The following SYNPO2 variants were observed in gnomAD, a reference collection of about 807,000 sequenced individuals.
The protein encoded by SYNPO2 is synaptopodin 2.
Under a neutral mutation model 85.0 loss-of-function variants are expected in SYNPO2, and 56 were observed. The observed-to-expected ratio is 0.66, with a 90% CI of 0.53 to 0.82. SYNPO2 has a LOEUF of 0.82. Ranked by LOEUF, SYNPO2 falls within the 40% of genes least tolerant of loss-of-function variation. The pLI, the probability that SYNPO2 is intolerant of heterozygous loss-of-function variation, is 0.00. For missense variants in SYNPO2, 1,575 were observed against 1,534.2 expected (o/e 1.03, Z -0.44); for synonymous variants, 602 against 591.1 (o/e 1.02, Z -0.27).
In SYNPO2 at chr4:118,863,752, C is replaced by G. The variant is rs552242567; in HGVS notation, c.12+12812C>G. ...TCAGTCTTCCCAGTAGCTGGGACTA[C>G]AGGCGCAAGCCATCACACCCGGTTA... On this transcript the variant is annotated intron_variant, in intron 1 of 4. Transcript: ENST00000610556. Among the ~76,000 whole-genome samples, 8 of 152,258 alleles carry G rather than the reference C, an allele frequency of 5.3e-5. No homozygotes were observed. In the East Asian group the frequency reaches 1.5e-3, roughly 29 times the overall value.
intron 1 of SYNPO2, among the ~76,000 whole-genome samples, chr4:118,855,768 A>G (rs924580014): frequency 2.6e-5 from 4 of 152,196 alleles, no homozygotes; most frequent in African/African-American, 7.2e-5. Context: ...ATTATTGTCT[A>G]TATCATTTTT....
At chr4:118,884,883 T>G (rs1732171503), upstream of SYNPO2, among the ~76,000 whole-genome samples, 1 of 152,138 alleles carries the variant, frequency 6.6e-6, no homozygotes, top group Non-Finnish European at 1.5e-5. Context: ...TAGCATAGGA[T>G]TCAGACAACT....
chr4:118,907,932 T>C (rs550575812), intron 1 of SYNPO2, among the ~76,000 whole-genome samples: 92 of 152,144 alleles, frequency 6.0e-4, no homozygotes, highest in Admixed American at 9.2e-4. Context: ...ATCATGGACG[T>C]CTTTCCATGT....
intron 1 of SYNPO2, among the ~76,000 whole-genome samples, chr4:118,856,878 T>C (rs779050426): frequency 1.3e-5 from 2 of 152,178 alleles, no homozygotes; most frequent in Non-Finnish European, 2.9e-5. Context: ...GAACCTTCAA[T>C]TGAATAGAAA....
In SYNPO2 at chr4:119,030,452, T is replaced by C. The variant is rs1384306230; in HGVS notation, c.1677T>C (p.His559=). The C allele has an allele frequency of 3.1e-6, 5 of 1,614,028 alleles. No individual in the cohort carries two copies. Among genetic ancestry groups the C allele is most frequent in the Non-Finnish European group, 3.4e-6 (4 of 1,180,034 alleles). The part of the protein sequence containing the change: ...SVSKSYIEVS[H]GLGHVPQQNG... ...GCAAAAGCTACATCGAGGTGAGTCA[T>C]GGTCTTGGCCATGTTCCCCAACAGA... Residue 559 remains histidine, a synonymous_variant, in exon 4 of 5, where the codon CAT becomes CAC. Transcript: ENST00000307142.
At chr4:118,887,897 A>T (rs1732235821), upstream of SYNPO2, among the ~76,000 whole-genome samples, 1 of 152,204 alleles carries the variant, frequency 6.6e-6, no homozygotes, top group African/African-American at 2.4e-5. Context: ...GCTCTTCCTT[A>T]TTTAGTATGT....
intron 1 of SYNPO2, among the ~76,000 whole-genome samples, chr4:118,995,594 T>A (rs910806875): frequency 1.3e-5 from 2 of 152,224 alleles, no homozygotes; most frequent in African/African-American, 4.8e-5. Context: ...GGCTTTGCAT[T>A]CAGAGTGGCA....
chr4:119,009,825 G>A (rs997718230), intron 1 of SYNPO2, among the ~76,000 whole-genome samples: 2 of 152,190 alleles, frequency 1.3e-5, no homozygotes, highest in African/African-American at 4.8e-5. Flanking sequence ...TTTTAGTACA[G>A]CCCAGTCTCA....
intron 1 of SYNPO2, among the ~76,000 whole-genome samples, chr4:118,860,139 G>A (rs974049145): frequency 1.5e-4 from 23 of 152,126 alleles, no homozygotes; most frequent in African/African-American, 5.6e-4. Flanking sequence ...TTGTAGTTTT[G>A]ATATGCATTT....
intron 1 of SYNPO2, among the ~76,000 whole-genome samples, chr4:118,890,129 T>C (rs1213841479): frequency 2.7e-5 from 4 of 148,580 alleles, no homozygotes; most frequent in Admixed American, 2.7e-4. Flanking sequence ...GCTTTTACTC[T>C]TTTTTTTTTG....
At chr4:118,986,927 G>A (rs1389531906) in intron 1 of SYNPO2, among the ~76,000 whole-genome samples, 1 of 152,118 alleles carries the variant, frequency 6.6e-6, no homozygotes, top group South Asian at 2.1e-4. Context: ...TCACAAAATG[G>A]AACAGAAAAT....
At chr4:118,924,663 C>T (rs1003794061) in intron 1 of SYNPO2, among the ~76,000 whole-genome samples, 12 of 152,256 alleles carry the variant, frequency 7.9e-5, no homozygotes, top group African/African-American at 1.9e-4. Context: ...CCTATGTGGA[C>T]GTGCTAGAGG....
intron 4 of SYNPO2, among the ~76,000 whole-genome samples, chr4:119,046,855 C>G (rs570350314): frequency 6.6e-6 from 1 of 152,148 alleles, no homozygotes; most frequent in Non-Finnish European, 1.5e-5. Context: ...ACAAGCCTTA[C>G]GCTTTCTCAC....
intron 1 of SYNPO2, among the ~76,000 whole-genome samples, chr4:118,918,233 G>A (rs1451959064): frequency 6.6e-6 from 1 of 152,002 alleles, no homozygotes; most frequent in Non-Finnish European, 1.5e-5. Flanking sequence ...ACTGAAACCA[G>A]ATGTCTTAAT....
At chr4:118,967,249 C>G (rs1041737830) in intron 1 of SYNPO2, among the ~76,000 whole-genome samples, 1 of 152,176 alleles carries the variant, frequency 6.6e-6, no homozygotes, top group Non-Finnish European at 1.5e-5. Flanking sequence ...TTTCTTTCCT[C>G]TACCTCTGTC....
At chr4:119,046,254 T>A (rs933513211) in intron 4 of SYNPO2, among the ~76,000 whole-genome samples, 1 of 152,220 alleles carries the variant, frequency 6.6e-6, no homozygotes, top group Non-Finnish European at 1.5e-5. Context: ...CACACATTCC[T>A]CCTTCATGTT....
intron 1 of SYNPO2, among the ~76,000 whole-genome samples, chr4:118,927,765 A>AGATGGATAGAT (rs1560874462): frequency 1.1e-5 from 1 of 93,704 alleles, no homozygotes; most frequent in Non-Finnish European, 2.3e-5. Context: ...ATAGATATAT[A>AGATGGATAGAT]GATAGATAGA....
At chr4:119,056,212 G>A (rs1009737022) in intron 4 of SYNPO2, among the ~76,000 whole-genome samples, 1 of 152,146 alleles carries the variant, frequency 6.6e-6, no homozygotes, top group African/African-American at 2.4e-5. Flanking sequence ...TCCTAGAAAT[G>A]CAGAGGAGTA....
intron 1 of SYNPO2, among the ~76,000 whole-genome samples, chr4:118,995,218 T>A (rs763057976): frequency 1.3e-5 from 2 of 152,156 alleles, no homozygotes; most frequent in Non-Finnish European, 2.9e-5. Context: ...TTTGCAAAGT[T>A]CTTTAAACAT....
Sources: gnomAD v4.1 joint callset for allele counts (sites outside exome capture counted in the v4.1 genomes callset) on GRCh38, gnomAD v4.1.1 for gene constraint, MANE v1.5 for transcripts, NCBI Gene and HGNC (gene_info 2026-07-23, HGNC 2026-07-21) for gene names.